Variants in COL18A1 observed in about 807,000 individuals in gnomAD.
The protein encoded by COL18A1 is collagen alpha-1(XVIII) chain.
In COL18A1, 133 loss-of-function variants were observed where a neutral mutation model predicts 168.0. That is an observed-to-expected ratio of 0.79 (90% CI 0.69 to 0.91). The LOEUF is 0.91. Among genes scored for constraint, COL18A1 ranks in the 40% least tolerant of loss-of-function variants. The probability of loss-of-function intolerance (pLI) is 0.00; values close to 1 mark genes in which losing one functional copy is unlikely to be tolerated. For missense variants in COL18A1, 2,126 were observed against 1,925.4 expected, an observed-to-expected ratio of 1.10 and a Z score of -1.95; for synonymous variants, 949 against 809.0, an observed-to-expected ratio of 1.17 and a Z score of -2.94.
intron 30 of COL18A1, among the ~76,000 whole-genome samples, chr21:45,496,813 C>T (rs1252258877): frequency 2.0e-5 from 3 of 152,214 alleles, no homozygotes; most frequent in African/African-American, 7.2e-5. Flanking sequence ...CCCAGGGTTG[C>T]TAGGGGCACC....
At chr21:45,438,282 ACT>A (rs1167547674) in intron 2 of COL18A1, among the ~76,000 whole-genome samples, 2 of 105,120 alleles carry the variant, frequency 1.9e-5, no homozygotes, top group African/African-American at 4.4e-5. Flanking sequence ...ACACACAGGC[ACT>A]CTCCTGCACA....
intron 2 of COL18A1, among the ~76,000 whole-genome samples, chr21:45,412,229 G>T (rs1231200554): frequency 5.3e-5 from 7 of 131,366 alleles, no homozygotes; most frequent in African/African-American, 8.1e-5. Flanking sequence ...TTAACTGGGG[G>T]TATATTTCTT....
In COL18A1 at chr21:45,443,959, G is replaced by A. The variant is rs141748466; in HGVS notation, c.107-24283G>A. On this transcript the variant is annotated intron_variant, in intron 2 of 41. Coordinates refer to ENST00000651438, the MANE Select transcript of COL18A1 (RefSeq NM_001379500.1). This position sits in a 1 kb window ranked among gnomAD's most constrained non-coding sequence, Gnocchi z 5.2. The stretch of plus-strand genomic sequence containing the variant: ...CTGTCCTCTTTTGGGTGGCCAGGAT[G>A]TCACAGGGCGAGTAGGTGTCTGGCC... 6.8e-4 allele frequency among the ~76,000 whole-genome samples: 104 copies of A among 152,304 alleles called. No homozygotes were observed. Among genetic ancestry groups the A allele is most frequent in the Middle Eastern group, 3.4e-3 (1 of 294 alleles).
rs776186827 is a variant in COL18A1, at chr21:45,489,461, T to C, written c.1924-25T>C. The stretch of plus-strand genomic sequence containing the variant: ...GGACTGGGCTGGCCCCAGCAGGTGC[T>C]CACGGAGCCCCTTTTTTCACTTAGG... On this transcript the variant is annotated intron_variant, in intron 18 of 41. Transcript: ENST00000651438. 104 of 1,577,596 alleles carry C rather than the reference T, an allele frequency of 6.6e-5. No homozygotes were observed. In the Middle Eastern group the frequency reaches 9.3e-4, roughly 14 times the overall value.
At chr21:45,405,637 G>A (rs2033073749) in intron 2 of COL18A1, among the ~76,000 whole-genome samples, 164 bp downstream of exon 2, 1 of 150,984 alleles carries the variant, frequency 6.6e-6, no homozygotes, top group African/African-American at 2.4e-5. Flanking sequence ...GGAGCGGGGC[G>A]GGGTGGCCGG....
At position 45,405,230 on chromosome 21, in the gene COL18A1, C is replaced by T. The variant is rs2033030545; in HGVS notation, c.-1C>T. ...GCGGCGCTGACGGTCCTGGGGAGAG[C>T]ATGGCGCCGAGGTGAGGCCGGGGCT... On this transcript the variant is annotated 5_prime_UTR_variant, in exon 1 of 42. Transcript: ENST00000651438. The T allele has an allele frequency of 3.4e-5, 4 of 118,914 alleles. No individual in the cohort carries two copies. Among genetic ancestry groups the T allele is most frequent in the Non-Finnish European group, 5.4e-5 (4 of 74,072 alleles). 7.4% of individuals were successfully genotyped at this position (118,914 alleles called of 1,614,324 possible).
intron 2 of COL18A1, among the ~76,000 whole-genome samples, chr21:45,461,787 C>A (rs111761582): frequency 0.032 from 4,862 of 152,282 alleles, 96 homozygotes; most frequent in African/African-American, 0.05. Flanking sequence ...CAGGTTCATT[C>A]ATAAAAAGTG....
intron 2 of COL18A1, among the ~76,000 whole-genome samples, chr21:45,409,591 C>A (rs2033227342): frequency 6.6e-6 from 1 of 152,170 alleles, no homozygotes; most frequent in East Asian, 1.9e-4. Context: ...TGGGCGGTCA[C>A]AGGCCAGAGC....
intron 2 of COL18A1, among the ~76,000 whole-genome samples, chr21:45,435,666 C>T (rs1469646232): frequency 2.0e-5 from 3 of 152,066 alleles, no homozygotes; most frequent in Admixed American, 6.5e-5. Flanking sequence ...AGCGTTTGCC[C>T]ACTGGGGTAG....
chr21:45,450,726 C>G (rs530163891), intron 2 of COL18A1, among the ~76,000 whole-genome samples: 2 of 152,174 alleles, frequency 1.3e-5, no homozygotes, highest in African/African-American at 4.8e-5. Context: ...CACCTGTGTT[C>G]ATGGTGGGTG....
At chr21:45,510,299 C>T (rs1479454852) in intron 40 of COL18A1, 38 bp downstream of exon 40, 1 of 1,557,534 alleles carries the variant, frequency 6.4e-7, no homozygotes, top group Non-Finnish European at 8.7e-7. Context: ...GGCTCCTCGG[C>T]CCCCACTTGA....
chr21:45,483,200 G>A (rs1422208730), intron 15 of COL18A1, among the ~76,000 whole-genome samples: 1 of 151,648 alleles, frequency 6.6e-6, no homozygotes, highest in Non-Finnish European at 1.5e-5. Flanking sequence ...GAGGCTGCCC[G>A]TGGCCTGGGG....
At chr21:45,504,747 A>C (rs1275559250) in intron 34 of COL18A1, among the ~76,000 whole-genome samples, 191 bp downstream of exon 34, 3 of 151,820 alleles carry the variant, frequency 2.0e-5, no homozygotes, top group African/African-American at 7.3e-5. Context: ...CTGACCCCGG[A>C]CACCCCCCGT....
At chr21:45,454,389 G>T (rs2034728839) in intron 2 of COL18A1, among the ~76,000 whole-genome samples, 1 of 152,190 alleles carries the variant, frequency 6.6e-6, no homozygotes, top group Non-Finnish European at 1.5e-5. Context: ...TGCAACCCCA[G>T]CCGCACAGCC....
At chr21:45,493,132 C>T (rs2083138652) in intron 24 of COL18A1, 31 bp from the exon 25 acceptor site, 1 of 1,548,008 alleles carries the variant, frequency 6.5e-7, no homozygotes, top group Non-Finnish European at 8.7e-7. Flanking sequence ...ATGCCAGCCG[C>T]TCGGGCCTCA....
intron 2 of COL18A1, among the ~76,000 whole-genome samples, chr21:45,411,766 T>TG (rs56879596): frequency 0.045 from 1,748 of 39,166 alleles, 60 homozygotes; most frequent in African/African-American, 0.049. Context: ...TGGCGGGGGG[T>TG]GGGGGGGGGG....
intron 2 of COL18A1, among the ~76,000 whole-genome samples, chr21:45,409,327 A>G (rs1480300248): frequency 6.6e-6 from 1 of 152,198 alleles, no homozygotes; most frequent in East Asian, 1.9e-4. Flanking sequence ...CTGGGAAACT[A>G]AAATGCATGT....
At chr21:45,426,779 A>G (rs2033816474) in intron 2 of COL18A1, among the ~76,000 whole-genome samples, 2 of 152,206 alleles carry the variant, frequency 1.3e-5, no homozygotes, top group Non-Finnish European at 2.9e-5. Context: ...ACACTTGCCC[A>G]TTCTGGGGCC....
chr21:45,405,683 C>T lies in COL18A1; in HGVS notation c.106+210C>T, dbSNP rs1305727979. Among the ~76,000 whole-genome samples the T allele has an allele frequency of 2.0e-5, 3 of 150,638 alleles. No homozygotes were observed. The East Asian group carries it at 5.9e-4, about 29-fold the overall frequency. Reference sequence around the variant, plus strand: ...ATTCATTCTCCCCGCGGGGTCCGGGCCGGGAGGGGTGCGCGGTGCGAGCGG... The same window carrying T: ...ATTCATTCTCCCCGCGGGGTCCGGGTCGGGAGGGGTGCGCGGTGCGAGCGG... On this transcript the variant is annotated intron_variant, in intron 2 of 41. Coordinates refer to ENST00000651438, the MANE Select transcript of COL18A1 (RefSeq NM_001379500.1).
Sources: allele counts gnomAD v4.1 joint callset (sites outside exome capture counted in the v4.1 genomes callset), GRCh38; gene constraint gnomAD v4.1.1; non-coding constraint Gnocchi (gnomAD v3.1); transcripts MANE v1.5; gene names NCBI Gene and HGNC (gene_info 2026-07-23, HGNC 2026-07-21).